Variants in SERPINB8 observed in about 807,000 individuals in gnomAD.
The protein encoded by SERPINB8 is serpin B8.
A neutral mutation model predicts 35.3 loss-of-function variants in SERPINB8; 25 were observed. The ratio of observed to expected loss-of-function variants is 0.71; its 90% CI spans 0.52 to 0.99. The LOEUF is 0.99. Among genes scored for constraint, SERPINB8 ranks in the 50% least tolerant of loss-of-function variants. SERPINB8 has a pLI of 0.00. For synonymous variants in SERPINB8, 186 were observed against 160.8 expected (o/e 1.16, Z -1.19); for missense variants, 484 against 446.5 (o/e 1.08, Z -0.76).
chr18:63,973,079 A>G (rs1437743588), intron 1 of SERPINB8, among the ~76,000 whole-genome samples: 1 of 152,206 alleles, frequency 6.6e-6, no homozygotes, highest in South Asian at 2.1e-4. Context: ...GTCTTCCATA[A>G]TGGTTGAACT....
chr18:63,986,485 CATGCTCTT>C, intron 6 of SERPINB8: 1 of 1,362,866 alleles, frequency 7.3e-7, no homozygotes, highest in Non-Finnish European at 9.4e-7. Flanking sequence ...AGTTCTGAGC[CATGCTCTT>C]TGTCTTTTGT....
intron 1 of SERPINB8, among the ~76,000 whole-genome samples, chr18:63,972,219 G>T (rs2050496013): frequency 6.6e-6 from 1 of 152,032 alleles, no homozygotes; most frequent in Admixed American, 6.5e-5. Context: ...CCACCTTCCT[G>T]AGTTTCATGA....
intron 2 of SERPINB8, 82 bp downstream of exon 2, chr18:63,978,558 T>C: frequency 1.3e-6 from 2 of 1,516,674 alleles, no homozygotes; most frequent in South Asian, 2.4e-5. Flanking sequence ...ACTTTTGCTC[T>C]AGCTGAGGCC....
At position 63,979,823 on chromosome 18, in the gene SERPINB8, G is replaced by T. The variant is rs1362833327; in HGVS notation, c.191G>T (p.Gly64Val). Residue 64 changes from glycine (G) to valine (V), a missense_variant, in exon 3 of 7, where the codon GGA (glycine) becomes GTA (valine). Gly to Val is a moderately radical substitution (Grantham distance 109, BLOSUM62 -3). Transcript: ENST00000397985. ...MSQALCLYKD[G>V]DIHRGFQSLL... is the part of the protein sequence containing the mutation. ...CAGGCACTTTGTTTATACAAAGACGGAGATATTCACCGAGGTTTCCAGTCA... is the reference window on the plus strand; with the variant it reads ...CAGGCACTTTGTTTATACAAAGACGTAGATATTCACCGAGGTTTCCAGTCA... 2.5e-6 allele frequency: 4 copies of T among 1,614,110 alleles called. No individual in the cohort carries two copies. The South Asian group carries it at 4.4e-5, about 18-fold the overall frequency.
At chr18:63,975,020 A>C (rs1004378935) in intron 1 of SERPINB8, among the ~76,000 whole-genome samples, 19 of 152,146 alleles carry the variant, frequency 1.2e-4, no homozygotes, top group African/African-American at 4.6e-4. Flanking sequence ...GAGCAGTTAA[A>C]ATGTAAAGAT....
At chr18:64,015,034 C>G (rs2050943153) in intron 7 of SERPINB8, among the ~76,000 whole-genome samples, 1 of 152,166 alleles carries the variant, frequency 6.6e-6, no homozygotes, top group South Asian at 2.1e-4. Flanking sequence ...TTTTAGGATG[C>G]ACCATGCCTT....
intron 7 of SERPINB8, among the ~76,000 whole-genome samples, chr18:64,016,797 AGAG>A (rs1253166942): frequency 6.6e-6 from 1 of 152,358 alleles, no homozygotes; most frequent in East Asian, 1.9e-4. Flanking sequence ...CCACTGTTGA[AGAG>A]CTGCTGAAGT....
At chr18:63,972,434 A>G (rs374960384) in intron 1 of SERPINB8, among the ~76,000 whole-genome samples, 38 of 152,340 alleles carry the variant, frequency 2.5e-4, no homozygotes, top group African/African-American at 7.9e-4. Context: ...ATTCCATTAT[A>G]CTAATATACT....
intron 6 of SERPINB8, among the ~76,000 whole-genome samples, chr18:63,985,727 A>C (rs1189522637): frequency 6.6e-6 from 1 of 152,248 alleles, no homozygotes; most frequent in Non-Finnish European, 1.5e-5. Flanking sequence ...TATGAATAGC[A>C]AAAGTCTAAA....
In SERPINB8 at chr18:63,987,288, A is replaced by G; in HGVS notation, c.*10A>G. The G allele has an allele frequency of 6.2e-7, 1 of 1,602,018 alleles. No homozygotes were observed. The highest frequency in any genetic ancestry group is 8.5e-7 in the Non-Finnish European group (1 of 1,173,090). On this transcript the variant is annotated 3_prime_UTR_variant, in exon 7 of 7. Coordinates refer to ENST00000397985, the MANE Select transcript of SERPINB8 (RefSeq NM_002640.4). ...GTTCTCTTCTCCGTAAAGAGGAGCA[A>G]TTGCTGTACATACCCTCCTTTCCTT...
At chr18:64,018,221 T>C (rs576277169) in intron 7 of SERPINB8, among the ~76,000 whole-genome samples, 35 of 152,318 alleles carry the variant, frequency 2.3e-4, no homozygotes, top group Admixed American at 5.9e-4. Context: ...TTTTTCACAA[T>C]GTAACAATGA....
chr18:64,009,037 C>A (rs548829237), downstream of SERPINB8, among the ~76,000 whole-genome samples: 24 of 152,230 alleles, frequency 1.6e-4, no homozygotes, highest in Admixed American at 8.5e-4. Context: ...TATACAAGAG[C>A]AATTTGCATT....
At chr18:63,972,544 T>C (rs1416797634) in intron 1 of SERPINB8, among the ~76,000 whole-genome samples, 1 of 152,134 alleles carries the variant, frequency 6.6e-6, no homozygotes, top group Admixed American at 6.5e-5. Flanking sequence ...ATATGCAAGT[T>C]TGATACATAG....
chr18:63,973,022 G>A (rs2050516854), intron 1 of SERPINB8, among the ~76,000 whole-genome samples: 1 of 152,128 alleles, frequency 6.6e-6, no homozygotes, highest in Non-Finnish European at 1.5e-5. Context: ...GGGGTGGCTG[G>A]GTCAAATGGT....
chr18:64,012,969 C>CT (rs1384857654), intron 7 of SERPINB8, among the ~76,000 whole-genome samples: 1 of 152,166 alleles, frequency 6.6e-6, no homozygotes, highest in African/African-American at 2.4e-5. Flanking sequence ...CTTCCTCTGC[C>CT]TTCACTCCCT....
Position 63,987,299 on chromosome 18 carries a change from T to C in SERPINB8, c.*21T>C. On this transcript the variant is annotated 3_prime_UTR_variant, in exon 7 of 7. Coordinates refer to ENST00000397985, the MANE Select transcript of SERPINB8 (RefSeq NM_002640.4). The stretch of plus-strand genomic sequence containing the variant: ...CGTAAAGAGGAGCAATTGCTGTACA[T>C]ACCCTCCTTTCCTTCTACCTATCTT... The C allele has an allele frequency of 6.3e-7, 1 of 1,586,564 alleles. No individual in the cohort carries two copies. The highest frequency in any genetic ancestry group is 8.6e-7 in the Non-Finnish European group (1 of 1,165,296).
At chr18:63,982,196 T>G (rs1057010704) in intron 4 of SERPINB8, among the ~76,000 whole-genome samples, 3 of 152,198 alleles carry the variant, frequency 2.0e-5, no homozygotes, top group Non-Finnish European at 4.4e-5. Flanking sequence ...CAACATTTCA[T>G]GCTCTCATGT....
At chr18:63,995,113 G>T (rs1203183772) in intron 1 of SERPINB8, among the ~76,000 whole-genome samples, 1 of 152,172 alleles carries the variant, frequency 6.6e-6, no homozygotes, top group Non-Finnish European at 1.5e-5. Flanking sequence ...GGCCCAGCAG[G>T]CAGCTCACGA....
At position 63,985,102 on chromosome 18, in the gene SERPINB8, AC is replaced by A; in HGVS notation, c.578del (p.Thr193LysfsTer4). On this transcript the variant is annotated frameshift_variant, in exon 6 of 7. Coordinates refer to ENST00000397985, the MANE Select transcript of SERPINB8 (RefSeq NM_002640.4). LOFTEE classifies it high-confidence loss of function. The stretch of plus-strand genomic sequence containing the variant: ...TTAATTTTTCCGTTAGGAAAAAAAG[AC>A]AGTGCAGATGATGTTTAAGGAAGCT... ...MLFKTNEEKKTVQMMFKEAKF... is the reference protein window; with the variant it reads ...MLFKTNEEKKXVQMMFKEAKF... 6.2e-7 allele frequency: 1 copy of A among 1,613,718 alleles called. No homozygotes were observed. Among genetic ancestry groups the A allele is most frequent in the Non-Finnish European group, 8.5e-7 (1 of 1,179,812 alleles).
Sources: allele counts gnomAD v4.1 joint callset (sites outside exome capture counted in the v4.1 genomes callset), GRCh38; gene constraint gnomAD v4.1.1; transcripts MANE v1.5; gene names NCBI Gene and HGNC (gene_info 2026-07-23, HGNC 2026-07-21).